The following DPYD variants were observed in gnomAD, a reference collection of about 807,000 sequenced individuals.
The protein encoded by DPYD is dihydropyrimidine dehydrogenase, also known as dihydropyrimidine dehydrogenase [NADP(+)].
A neutral mutation model predicts 116.2 loss-of-function variants in DPYD; 109 were observed. The observed-to-expected ratio is 0.94, with a 90% CI of 0.80 to 1.10. DPYD has a LOEUF of 1.10. Ranked by LOEUF, DPYD falls within the 50% of genes least tolerant of loss-of-function variation. The pLI, the probability that DPYD is intolerant of heterozygous loss-of-function variation, is 0.00. For synonymous variants in DPYD, 440 were observed against 432.0 expected, an observed-to-expected ratio of 1.02 and a Z score of -0.23; for missense variants, 1,302 against 1,254.5, an observed-to-expected ratio of 1.04 and a Z score of -0.57.
chr1:97,149,653 C>A (rs1037786185), intron 20 of DPYD, among the ~76,000 whole-genome samples: 9 of 152,186 alleles, frequency 5.9e-5, no homozygotes, highest in African/African-American at 2.2e-4. Context: ...ATTTGGGGAC[C>A]CAATGAAAAG....
chr1:97,173,283 C>CATATGTACATATATATGTACAT (rs760885091), intron 20 of DPYD, among the ~76,000 whole-genome samples: 8 of 120,338 alleles, frequency 6.6e-5, no homozygotes, highest in South Asian at 2.5e-4. Context: ...TATATGCACA[C>CATATGTACATATATATGTACAT]ATATATGTAC....
At chr1:97,690,592 T>C (rs1467391747) in intron 7 of DPYD, among the ~76,000 whole-genome samples, 2 of 152,042 alleles carry the variant, frequency 1.3e-5, no homozygotes, top group Non-Finnish European at 2.9e-5. Context: ...ATACCGAATC[T>C]AATAGTTGGA....
chr1:97,107,283 A>T (rs1651238077), intron 20 of DPYD, among the ~76,000 whole-genome samples: 1 of 152,134 alleles, frequency 6.6e-6, no homozygotes, highest in African/African-American at 2.4e-5. Context: ...AACTTTGTTA[A>T]CTGGGGCCTG....
At chr1:97,859,369 T>C (rs1671003678) in intron 2 of DPYD, among the ~76,000 whole-genome samples, 1 of 152,158 alleles carries the variant, frequency 6.6e-6, no homozygotes, top group Non-Finnish European at 1.5e-5. Flanking sequence ...TGGAGATTCA[T>C]TCCTTATCTA....
chr1:97,672,866 GTTAT>G (rs1402634999), intron 8 of DPYD, among the ~76,000 whole-genome samples: 2 of 152,000 alleles, frequency 1.3e-5, no homozygotes, highest in African/African-American at 2.4e-5. Flanking sequence ...ATAATTATCT[GTTAT>G]TTGTCTGTTA....
chr1:97,864,088 C>G (rs1671252749), intron 2 of DPYD, among the ~76,000 whole-genome samples: 1 of 151,958 alleles, frequency 6.6e-6, no homozygotes, highest in Non-Finnish European at 1.5e-5. Flanking sequence ...AGTTTTAAAA[C>G]TGTATAATGT....
At chr1:97,282,938 C>T (rs565362528) in intron 18 of DPYD, among the ~76,000 whole-genome samples, 35 of 152,004 alleles carry the variant, frequency 2.3e-4, no homozygotes, top group African/African-American at 5.8e-4. Context: ...GTTTATATAC[C>T]GCATTTTCTT....
At chr1:97,120,426 A>G (rs372988548) in intron 20 of DPYD, among the ~76,000 whole-genome samples, 1 of 152,136 alleles carries the variant, frequency 6.6e-6, no homozygotes, top group South Asian at 2.1e-4. Context: ...GGTGTCTGAA[A>G]TGGACAACTT....
intron 16 of DPYD, among the ~76,000 whole-genome samples, chr1:97,328,911 C>G (rs1226732114): frequency 6.6e-6 from 1 of 152,076 alleles, no homozygotes; most frequent in Non-Finnish European, 1.5e-5. Flanking sequence ...TCAAGTTGGA[C>G]TTATTTGTAT....
chr1:97,283,485 A>G (rs1342695203), intron 18 of DPYD, among the ~76,000 whole-genome samples: 1 of 152,088 alleles, frequency 6.6e-6, no homozygotes, highest in Non-Finnish European at 1.5e-5. Flanking sequence ...CTTAAATTTT[A>G]AAGTAATTTT....
intron 5 of DPYD, among the ~76,000 whole-genome samples, chr1:97,711,811 T>C (rs561903212): frequency 6.6e-6 from 1 of 152,156 alleles, no homozygotes; most frequent in East Asian, 1.9e-4. Flanking sequence ...AACTTTTTTT[T>C]ACATCTTTAT....
At chr1:97,150,719 T>C (rs1431043977) in intron 20 of DPYD, among the ~76,000 whole-genome samples, 3 of 152,198 alleles carry the variant, frequency 2.0e-5, no homozygotes, top group Admixed American at 1.3e-4. Context: ...CATGCTTCTT[T>C]CTAGGTCCTT....
At chr1:97,149,055 G>A (rs192166605) in intron 20 of DPYD, among the ~76,000 whole-genome samples, 192 of 152,278 alleles carry the variant, frequency 1.3e-3, no homozygotes, top group African/African-American at 4.5e-3. Flanking sequence ...ATAACATGCA[G>A]ATGCACTAAC....
intron 3 of DPYD, among the ~76,000 whole-genome samples, chr1:97,792,179 G>A (rs967065948): frequency 6.6e-6 from 1 of 152,096 alleles, no homozygotes; most frequent in Non-Finnish European, 1.5e-5. Context: ...GCAGTAAGAA[G>A]ACCTTAATCA....
intron 14 of DPYD, 81 bp downstream of exon 14, chr1:97,449,978 T>C: frequency 1.3e-6 from 2 of 1,536,652 alleles, no homozygotes; most frequent in Admixed American, 3.4e-5. Context: ...TTAATATTTA[T>C]AAGCCTATGA....
chr1:97,452,924 C>CA (rs1162599235), intron 13 of DPYD, among the ~76,000 whole-genome samples: 1 of 152,012 alleles, frequency 6.6e-6, no homozygotes, highest in East Asian at 1.9e-4. Context: ...GTCTTTATAG[C>CA]AAAAACGGGC....
intron 2 of DPYD, among the ~76,000 whole-genome samples, chr1:97,881,952 A>G (rs1672245856): frequency 6.6e-6 from 1 of 151,940 alleles, no homozygotes; most frequent in Non-Finnish European, 1.5e-5. Flanking sequence ...TGGCACATGT[A>G]TACATATGTA....
At chr1:97,795,260 G>T (rs1319969523) in intron 3 of DPYD, among the ~76,000 whole-genome samples, 1 of 151,982 alleles carries the variant, frequency 6.6e-6, no homozygotes, top group African/African-American at 2.4e-5. Context: ...ATGGGAGGCA[G>T]TTTACTACAT....
intron 3 of DPYD, among the ~76,000 whole-genome samples, chr1:97,812,366 C>T (rs1343868475): frequency 3.3e-5 from 5 of 152,040 alleles, no homozygotes; most frequent in Non-Finnish European, 7.4e-5. Context: ...TTAGTAACTA[C>T]AATCACTTTC....
Sources: allele counts gnomAD v4.1 joint callset (sites outside exome capture counted in the v4.1 genomes callset), GRCh38; gene constraint gnomAD v4.1.1; transcripts MANE v1.5; gene names NCBI Gene and HGNC (gene_info 2026-07-23, HGNC 2026-07-21).